HEY2: variants seen among roughly 807,000 people sequenced by gnomAD.
HEY2 encodes the protein hairy/enhancer-of-split related with YRPW motif protein 2.
Under a neutral mutation model 18.1 loss-of-function variants are expected in HEY2, and 10 were observed. The observed-to-expected ratio is 0.55, with a 90% CI of 0.34 to 0.94. The LOEUF (loss-of-function observed/expected upper bound fraction) is 0.94. HEY2 is among the 40% of genes least tolerant of loss of function. The probability of loss-of-function intolerance (pLI) is 0.02; values close to 1 mark genes in which losing one functional copy is unlikely to be tolerated. For synonymous variants in HEY2, 210 were observed against 182.7 expected (o/e 1.15, Z -1.21); for missense variants, 455 against 455.9 (o/e 1.00, Z 0.02).
At position 125,759,669 on chromosome 6, in the gene HEY2, C is replaced by G. The variant is rs749412359; in HGVS notation, c.881C>G (p.Ala294Gly). The G allele has an allele frequency of 4.3e-6, 7 of 1,612,202 alleles. No homozygotes were observed. The highest frequency in any genetic ancestry group is 5.9e-6 in the Non-Finnish European group (7 of 1,180,014). Residue 294 changes from alanine (A) to glycine (G), a missense_variant, in exon 5 of 5, where the codon GCA becomes GGA. Ala to Gly is a moderately conservative substitution (Grantham distance 60). Transcript: ENST00000368364. ...GAFPMLPPNA[A>G]AAVAAATAIS... is the part of the protein sequence containing the mutation. ...TTCCCCATGCTTCCCCCAAACGCAG[C>G]AGCAGCAGTGGCCGCGGCCACAGCC...
Position 125,752,039 on chromosome 6 carries a change from T to G in HEY2, c.195T>G (p.Asn65Lys). 6.2e-7 allele frequency: 1 copy of G among 1,613,934 alleles called. No individual in the cohort carries two copies. Among genetic ancestry groups the G allele is most frequent in the Non-Finnish European group, 8.5e-7 (1 of 1,179,812 alleles). Residue 65 changes from asparagine (N) to lysine (K), a missense_variant, in exon 3 of 5, where the codon AAT (asparagine) becomes AAG (lysine). Asn to Lys is a moderately conservative substitution (Grantham distance 94). Transcript: ENST00000368364. The part of the protein sequence containing the change: ...IIEKRRRDRI[N>K]NSLSELRRLV... ...AGAAAAGGCGTCGGGATCGGATAAATAACAGTTTATCTGAGTTGAGAAGAC... is the reference window on the plus strand; with the variant it reads ...AGAAAAGGCGTCGGGATCGGATAAAGAACAGTTTATCTGAGTTGAGAAGAC...
chr6:125,752,098 A>C lies in HEY2; in HGVS notation c.246+8A>C, dbSNP rs112677723. On this transcript the variant is annotated splice_region_variant and intron_variant, in intron 3 of 4. Coordinates refer to ENST00000368364, the MANE Select transcript of HEY2 (RefSeq NM_012259.3). The stretch of plus-strand genomic sequence containing the variant: ...ACTGCTTTTGAAAAACAAGTAAGCT[A>C]TCCCCTCCCCAGAATCCCCCCACCC... 76 of 1,595,178 alleles carry C rather than the reference A, an allele frequency of 4.8e-5. No individual in the cohort carries two copies. Among genetic ancestry groups the C allele is most frequent in the Non-Finnish European group, 5.8e-5 (68 of 1,164,882 alleles).
chr6:125,752,214 T>TGCCA (rs1773559797), intron 3 of HEY2, 124 bp downstream of exon 3: 1 of 639,342 alleles, frequency 1.6e-6, no homozygotes, highest in Non-Finnish European at 2.8e-6. Flanking sequence ...AAAATAATAG[T>TGCCA]GTATGTGCCC....
rs907385524 is a variant in HEY2 at position 125,760,035 on chromosome 6, T to A, written c.*233T>A. On this transcript the variant is annotated 3_prime_UTR_variant, in exon 5 of 5. Transcript: ENST00000368364. ...ACTGACATCAGCAACTTTTGAAAAC[T>A]TCACACTTGTTACCATTTAGAAGTT... 7.2e-6 allele frequency: 4 copies of A among 558,976 alleles called. No homozygotes were observed. The highest frequency in any genetic ancestry group is 1.9e-5 in the African/African-American group (1 of 52,888). 34.6% of individuals were successfully genotyped at this position (558,976 alleles called of 1,614,324 possible).
chr6:125,759,996 A>G lies in HEY2; in HGVS notation c.*194A>G. 1 of 608,586 alleles carries G rather than the reference A, an allele frequency of 1.6e-6. No individual in the cohort carries two copies. The highest frequency in any genetic ancestry group is 2.1e-5 in the South Asian group (1 of 47,986). 37.7% of individuals were successfully genotyped at this position (608,586 alleles called of 1,614,324 possible). ...TTTCTCTCCCTTTTTTGTTTGGTTC[A>G]AGGCAGCTCGGTAACTGACATCAGC... On this transcript the variant is annotated 3_prime_UTR_variant, in exon 5 of 5. Coordinates refer to ENST00000368364, the MANE Select transcript of HEY2 (RefSeq NM_012259.3).
intron 3 of HEY2, among the ~76,000 whole-genome samples, chr6:125,752,427 C>CAAAA (rs56184046): frequency 0.015 from 1,772 of 117,214 alleles, 40 homozygotes; most frequent in East Asian, 0.04. Flanking sequence ...CCGTATCCTT[C>CAAAA]AAAAAAAAAA....
intron 4 of HEY2, among the ~76,000 whole-genome samples, chr6:125,755,868 A>C (rs1583189796): frequency 6.6e-6 from 1 of 152,222 alleles, no homozygotes; most frequent in Non-Finnish European, 1.5e-5. Context: ...TCTGGGCTGC[A>C]CTTTGAGGGC....
At chr6:125,754,184 G>A (rs1207165291) in intron 3 of HEY2, among the ~76,000 whole-genome samples, 1 of 152,048 alleles carries the variant, frequency 6.6e-6, no homozygotes, top group African/African-American at 2.4e-5. Context: ...ATTTTGCTGT[G>A]GTGATCTTAG....
At chr6:125,751,111 A>T (rs779073354) in intron 1 of HEY2, among the ~76,000 whole-genome samples, 11 of 152,246 alleles carry the variant, frequency 7.2e-5, no homozygotes, top group Non-Finnish European at 1.3e-4. Flanking sequence ...CTTAGCCTAA[A>T]GTCTGAGACA....
intron 3 of HEY2, 145 bp from the exon 4 acceptor site, chr6:125,754,320 A>C: frequency 2.3e-6 from 1 of 431,216 alleles, no homozygotes; most frequent in Non-Finnish European, 4.1e-6. Context: ...GTTTGGAAAG[A>C]ATTCGAAGTT....
Position 125,749,660 on chromosome 6 carries a change from GC to G in HEY2, c.-115del. The G allele has an allele frequency of 1.7e-6, 1 of 597,066 alleles. No individual in the cohort carries two copies. The highest frequency in any genetic ancestry group is 2.7e-6 in the Non-Finnish European group (1 of 376,608). The allele number at this position is 597,066 out of a possible 1,614,324, so 37.0% of individuals were successfully genotyped here. A position where few individuals can be genotyped will look rare whatever the true frequency, so the allele number is the denominator to read the frequency against. The stretch of plus-strand genomic sequence containing the variant: ...AGAGCCGCTAGGAGCAGACCGCGCC[GC>G]CGCCGGAGCCGCGCCTGCCCAGGCC... On this transcript the variant is annotated 5_prime_UTR_variant, in exon 1 of 5. Coordinates refer to ENST00000368364, the MANE Select transcript of HEY2 (RefSeq NM_012259.3).
intron 1 of HEY2, 76 bp downstream of exon 1, chr6:125,749,935 A>T: frequency 8.2e-7 from 1 of 1,217,246 alleles, no homozygotes; most frequent in Admixed American, 2.0e-5. Context: ...GCTCCCTGGA[A>T]ATCCCGAGGC....
intron 4 of HEY2, among the ~76,000 whole-genome samples, chr6:125,757,381 A>G (rs1773683294): frequency 6.6e-6 from 1 of 152,144 alleles, no homozygotes. Flanking sequence ...TGGGATGATA[A>G]CTGTTTTTGC....
chr6:125,754,985 G>A (rs1773627530), intron 4 of HEY2, among the ~76,000 whole-genome samples: 1 of 152,124 alleles, frequency 6.6e-6, no homozygotes, highest in African/African-American at 2.4e-5. Flanking sequence ...ATTAAATGAA[G>A]GCTAAGACTG....
At chr6:125,752,423 C>T (rs1773566913) in intron 3 of HEY2, among the ~76,000 whole-genome samples, 1 of 99,498 alleles carries the variant, frequency 1.0e-5, no homozygotes, top group African/African-American at 3.4e-5. Context: ...TATACCGTAT[C>T]CTTCAAAAAA....
chr6:125,754,563 A>ATTTTT lies in HEY2; in HGVS notation c.328+28_328+32dup. On this transcript the variant is annotated intron_variant, in intron 4 of 4. Coordinates refer to ENST00000368364, the MANE Select transcript of HEY2 (RefSeq NM_012259.3). ...GGGGTAAAGGTAAGTAGATGACTTCATTTTTTTTTTTTTTTGCCTTTTTTA... is the reference window on the plus strand; with the variant it reads ...GGGGTAAAGGTAAGTAGATGACTTCATTTTTTTTTTTTTTTTTTTTGCCTTTTTTA... 1.8e-6 allele frequency: 2 copies of ATTTTT among 1,102,760 alleles called. No individual in the cohort carries two copies. Among genetic ancestry groups the ATTTTT allele is most frequent in the Non-Finnish European group, 2.6e-6 (2 of 777,938 alleles). 68.3% of individuals were successfully genotyped at this position (1,102,760 alleles called of 1,614,324 possible).
chr6:125,754,395 T>G (rs751595678), intron 3 of HEY2, 70 bp from the exon 4 acceptor site: 2 of 835,816 alleles, frequency 2.4e-6, no homozygotes, highest in Non-Finnish European at 3.6e-6. Flanking sequence ...AATGCTAAAT[T>G]CAGTGTATAA....
rs971918474 is a variant in HEY2 at position 125,750,399 on chromosome 6, G to A, written c.83+540G>A. The A allele has an allele frequency of 6.3e-5, 62 of 985,244 alleles. No individual in the cohort carries two copies. In the Middle Eastern group the frequency reaches 2.1e-3, roughly 33 times the overall value. The allele number at this position is 985,244 out of a possible 1,614,324, so 61.0% of individuals were successfully genotyped here. On this transcript the variant is annotated intron_variant, in intron 1 of 4. Coordinates refer to ENST00000368364, the MANE Select transcript of HEY2 (RefSeq NM_012259.3). ...AGTGACAGATGTAAGCATCGGAAAG[G>A]GCATCATTTCTTTGACTGCTTGTTC...
chr6:125,751,154 C>T (rs1308440035), intron 1 of HEY2, among the ~76,000 whole-genome samples: 1 of 152,166 alleles, frequency 6.6e-6, no homozygotes, highest in Non-Finnish European at 1.5e-5. Flanking sequence ...GTAAAACATT[C>T]ACCTAGTAAT....
Sources: gnomAD v4.1 joint callset for allele counts (sites outside exome capture counted in the v4.1 genomes callset) on GRCh38, gnomAD v4.1.1 for gene constraint, MANE v1.5 for transcripts, NCBI Gene and HGNC (gene_info 2026-07-23, HGNC 2026-07-21) for gene names.